The following FTO variants were observed in gnomAD, a reference collection of about 807,000 sequenced individuals.
FTO encodes alpha-ketoglutarate-dependent dioxygenase FTO.
In FTO, 47 loss-of-function variants were observed where a neutral mutation model predicts 63.9. The ratio of observed to expected loss-of-function variants is 0.74; its 90% CI spans 0.58 to 0.94. FTO has a LOEUF of 0.94. FTO is among the 40% of genes least tolerant of loss of function. The pLI, the probability that FTO is intolerant of heterozygous loss-of-function variation, is 0.00. For missense variants in FTO, 562 were observed against 618.1 expected (o/e 0.91, Z 0.96); for synonymous variants, 207 against 224.4 (o/e 0.92, Z 0.69).
chr16:53,926,260 C>T (rs1358980582), intron 7 of FTO, among the ~76,000 whole-genome samples: 4 of 152,180 alleles, frequency 2.6e-5, no homozygotes, highest in African/African-American at 9.7e-5. Context: ...GTTTTTCCGA[C>T]CCCGTTCTTA....
At chr16:54,011,822 A>G (rs1372408507) in intron 8 of FTO, among the ~76,000 whole-genome samples, 2 of 152,200 alleles carry the variant, frequency 1.3e-5, no homozygotes, top group Non-Finnish European at 2.9e-5. Flanking sequence ...TTGGGGCACA[A>G]TGACCCTCAT....
At chr16:53,736,273 C>G (rs759514828) in intron 1 of FTO, among the ~76,000 whole-genome samples, 2 of 151,964 alleles carry the variant, frequency 1.3e-5, no homozygotes, top group Non-Finnish European at 2.9e-5. Context: ...TGGGCTAAAC[C>G]AGGTCAAACT....
chr16:54,037,775 A>G (rs888018642), intron 8 of FTO, among the ~76,000 whole-genome samples: 8 of 152,258 alleles, frequency 5.3e-5, no homozygotes, highest in Non-Finnish European at 1.0e-4. Flanking sequence ...ATGATATACC[A>G]TTACATGGAA....
rs1429749334 is a variant in FTO, at chr16:53,879,867, T to C, written c.999T>C (p.Tyr333=). Residue 333 remains tyrosine, a synonymous_variant, in exon 6 of 9, where the codon TAT becomes TAC. Coordinates refer to ENST00000471389, the MANE Select transcript of FTO (RefSeq NM_001080432.3). The stretch of plus-strand genomic sequence containing the variant: ...AGTGCTCAACAGGAACCTTGGATTA[T>C]ATTTTACAACGCTGTCAGTTGGCTC... The part of the protein sequence containing the change: ...VAECSTGTLD[Y]ILQRCQLALQ... 6.2e-7 allele frequency: 1 copy of C among 1,614,046 alleles called. No individual in the cohort carries two copies. Among genetic ancestry groups the C allele is most frequent in the Non-Finnish European group, 8.5e-7 (1 of 1,179,948 alleles).
chr16:54,008,071 G>T (rs1270369529), intron 8 of FTO, among the ~76,000 whole-genome samples: 1 of 151,994 alleles, frequency 6.6e-6, no homozygotes, highest in African/African-American at 2.4e-5. Flanking sequence ...ACAATCCAAA[G>T]AAGCCACCTG....
intron 8 of FTO, among the ~76,000 whole-genome samples, chr16:53,996,858 C>G (rs377460290): frequency 6.6e-6 from 1 of 152,112 alleles, no homozygotes; most frequent in Non-Finnish European, 1.5e-5. Flanking sequence ...CCTGTAATCC[C>G]AGCACTTTGG....
At chr16:53,911,223 G>A in intron 7 of FTO, 1 of 603,982 alleles carries the variant, frequency 1.7e-6, no homozygotes, top group South Asian at 2.0e-5. Flanking sequence ...AGAGACAGTG[G>A]CTGAGCGATT....
intron 3 of FTO, among the ~76,000 whole-genome samples, chr16:53,834,372 G>C (rs1161579609): frequency 6.6e-6 from 1 of 152,182 alleles, no homozygotes; most frequent in African/African-American, 2.4e-5. Context: ...TCAGAGAACA[G>C]TGGAATAGAC....
At chr16:53,732,919 AAG>A (rs2076307332) in intron 1 of FTO, among the ~76,000 whole-genome samples, 1 of 152,240 alleles carries the variant, frequency 6.6e-6, no homozygotes, top group South Asian at 2.1e-4. Flanking sequence ...GTAAGGAAAA[AAG>A]GGAATCTGGT....
intron 4 of FTO, among the ~76,000 whole-genome samples, chr16:53,870,115 G>A (rs1268198862): frequency 6.6e-6 from 1 of 152,108 alleles, no homozygotes; most frequent in Admixed American, 6.6e-5. Flanking sequence ...AGTTCCAATA[G>A]GATGGCTAGC....
chr16:54,112,103 T>C lies in FTO; in HGVS notation c.*188T>C, dbSNP rs997535832. On this transcript the variant is annotated 3_prime_UTR_variant, in exon 9 of 9. Transcript: ENST00000471389. ...AATGTTTTAAAATGACCCTGTGTTATAGTCTGATTTGGTGTTAAACAGGAC... is the reference window on the plus strand; with the variant it reads ...AATGTTTTAAAATGACCCTGTGTTACAGTCTGATTTGGTGTTAAACAGGAC... 4.8e-5 allele frequency: 31 copies of C among 639,408 alleles called. No individual in the cohort carries two copies. The highest frequency in any genetic ancestry group is 7.1e-5 in the Non-Finnish European group (26 of 366,134). 39.6% of individuals were successfully genotyped at this position (639,408 alleles called of 1,614,324 possible).
intron 8 of FTO, among the ~76,000 whole-genome samples, chr16:53,973,147 A>G (rs751033985): frequency 1.3e-5 from 2 of 152,206 alleles, no homozygotes; most frequent in African/African-American, 2.4e-5. Flanking sequence ...ATCATCAGCC[A>G]TAGACAAGAA....
intron 8 of FTO, among the ~76,000 whole-genome samples, chr16:54,109,416 C>G (rs1364156533): frequency 6.6e-6 from 1 of 152,170 alleles, no homozygotes; most frequent in Non-Finnish European, 1.5e-5. Context: ...CTGCAACCTC[C>G]GCCTCCTGGG....
intron 1 of FTO, among the ~76,000 whole-genome samples, chr16:53,796,666 TAA>T (rs2078081393): frequency 1.3e-5 from 2 of 152,252 alleles, no homozygotes; most frequent in African/African-American, 4.8e-5. Flanking sequence ...AAAATCTGAA[TAA>T]AACAATGAAC....
intron 8 of FTO, among the ~76,000 whole-genome samples, chr16:54,048,545 C>A (rs964821897): frequency 6.6e-6 from 1 of 152,144 alleles, no homozygotes; most frequent in African/African-American, 2.4e-5. Context: ...TCAGAAAGAA[C>A]AATTGGGTGA....
At chr16:53,882,035 A>G (rs2080851051) in intron 6 of FTO, among the ~76,000 whole-genome samples, 1 of 152,084 alleles carries the variant, frequency 6.6e-6, no homozygotes, top group Admixed American at 6.5e-5. Flanking sequence ...TGCACTTACA[A>G]TGTGTGAATT....
chr16:54,023,450 T>C (rs2084644044), intron 8 of FTO, among the ~76,000 whole-genome samples: 1 of 152,234 alleles, frequency 6.6e-6, no homozygotes, highest in South Asian at 2.1e-4. Context: ...TCCTTAATGC[T>C]ATTTTGCTGC....
At chr16:54,021,182 T>G (rs927863632) in intron 8 of FTO, among the ~76,000 whole-genome samples, 5 of 152,160 alleles carry the variant, frequency 3.3e-5, no homozygotes, top group Non-Finnish European at 5.9e-5. Context: ...CTTCTTCCAC[T>G]CTCCTCTTTC....
chr16:54,030,099 C>T (rs576366313), intron 8 of FTO, among the ~76,000 whole-genome samples: 263 of 152,280 alleles, frequency 1.7e-3, no homozygotes, highest in Non-Finnish European at 2.6e-3. Flanking sequence ...AATCCCATTT[C>T]GAGGTTCTCT....
Sources: allele counts gnomAD v4.1 joint callset (sites outside exome capture counted in the v4.1 genomes callset), GRCh38; gene constraint gnomAD v4.1.1; transcripts MANE v1.5; gene names NCBI Gene and HGNC (gene_info 2026-07-23, HGNC 2026-07-21).